The following ZMYM3 variants were observed in gnomAD, a reference collection of about 807,000 sequenced individuals.
The protein encoded by ZMYM3 is zinc finger MYM-type protein 3.
In ZMYM3, 6 loss-of-function variants were observed where a neutral mutation model predicts 94.2. That is an observed-to-expected ratio of 0.06 (90% CI 0.03 to 0.13). The LOEUF (loss-of-function observed/expected upper bound fraction) is 0.13, where lower values mean the gene tolerates loss of function less well. Ranked by LOEUF, ZMYM3 falls within the 10% of genes least tolerant of loss-of-function variation. The pLI, the probability that ZMYM3 is intolerant of heterozygous loss-of-function variation, is 1.00. For synonymous variants in ZMYM3, 420 were observed against 426.5 expected (o/e 0.98, Z 0.19); for missense variants, 664 against 1,132.6 (o/e 0.59, Z 5.94).
At position 71,243,552 on chromosome X, in the gene ZMYM3, C is replaced by G. The variant is rs185443814; in HGVS notation, c.3432+277G>C. ...TTTGGAGTAGGAGATTAAAGGCAAGCTGCCTGCTTCAGGTAGGGGACAAGA... is the reference window on the plus strand; with the variant it reads ...TTTGGAGTAGGAGATTAAAGGCAAGGTGCCTGCTTCAGGTAGGGGACAAGA... On this transcript the variant is annotated intron_variant, in intron 21 of 24. Coordinates refer to ENST00000314425, the MANE Select transcript of ZMYM3 (RefSeq NM_201599.3). The G allele has an allele frequency of 8.6e-4, 295 of 343,156 alleles. 1 individual carries two copies. The highest frequency in any genetic ancestry group is 7.0e-3 in the African/African-American group (272 of 38,849). The allele number at this position is 343,156 out of a possible 1,213,427, so 28.3% of individuals were successfully genotyped here.
At position 71,245,788 on chromosome X, in the gene ZMYM3, C is replaced by G; in HGVS notation, c.2740G>C (p.Glu914Gln). 1 of 1,211,756 alleles carries G rather than the reference C, an allele frequency of 8.3e-7. No homozygotes were observed. Among genetic ancestry groups the G allele is most frequent in the Non-Finnish European group, 1.1e-6 (1 of 895,569 alleles). ...TTLESTDKIV[E>Q]TIEELKVKIP... ...TTCACCTTCAGCTCCTCAATGGTCT[C>G]TACAATCTTGTCTGTGCTCTCCAAG... The change falls in exon 17 of 25, where the codon GAG becomes CAG. Residue 914 changes from glutamate to glutamine, a missense_variant. Around this residue, in one of 9 missense-constraint regions of ZMYM3, gnomAD observed 75 missense variants for 152.5 expected, o/e 0.49. Coordinates refer to ENST00000314425, the MANE Select transcript of ZMYM3 (RefSeq NM_201599.3).
intron 5 of ZMYM3, 104 bp downstream of exon 5, chrX:71,250,328 C>G (rs942304625): frequency 1.8e-6 from 2 of 1,093,987 alleles, no homozygotes; most frequent in South Asian, 2.3e-5. Context: ...ACATCACTCT[C>G]TCGCCCAGCT....
intron 8 of ZMYM3, 107 bp downstream of exon 8, chrX:71,248,912 T>C (rs1460622164): frequency 9.8e-5 from 110 of 1,119,714 alleles, no homozygotes; most frequent in Non-Finnish European, 1.3e-4. Context: ...CATGGGGAGA[T>C]GTGGTTGGGA....
chrX:71,249,276 G>A, intron 7 of ZMYM3, 107 bp from the exon 8 acceptor site: 2 of 1,168,939 alleles, frequency 1.7e-6, no homozygotes, highest in Admixed American at 2.4e-5. Context: ...AAGTATAGAT[G>A]ATGATGTAAC....
At position 71,251,917 on chromosome X, in the gene ZMYM3, C is replaced by T. The variant is rs967453716; in HGVS notation, c.668-316G>A. ...GAATTTATATTTTACCAATGAAAAA[C>T]ACACACAACCACCCAAAGGTAGCAA... On this transcript the variant is annotated intron_variant, in intron 2 of 24. Coordinates refer to ENST00000314425, the MANE Select transcript of ZMYM3 (RefSeq NM_201599.3). 8 of 717,423 alleles carry T rather than the reference C, an allele frequency of 1.1e-5. No homozygotes were observed. In the African/African-American group the frequency reaches 1.4e-4, roughly 13 times the overall value. 59.1% of individuals were successfully genotyped at this position (717,423 alleles called of 1,213,427 possible).
intron 9 of ZMYM3, 60 bp downstream of exon 9, chrX:71,248,626 A>G (rs1374907514): frequency 8.7e-7 from 1 of 1,153,339 alleles, no homozygotes; most frequent in East Asian, 3.1e-5. Flanking sequence ...GCCTACCCCA[A>G]TTCTCCAACC....
At position 71,244,026 on chromosome X, in the gene ZMYM3, A is replaced by G. The variant is rs369247878; in HGVS notation, c.3281-46T>C. ...GGGACAGGATTAAGAAAAACTCTAC[A>G]TGGAGAATTTCACTTAGCTCCATCA... is the stretch of plus-strand genomic sequence containing the variant. On this transcript the variant is annotated intron_variant, in intron 20 of 24. Coordinates refer to ENST00000314425, the MANE Select transcript of ZMYM3 (RefSeq NM_201599.3). 9.5e-5 allele frequency: 113 copies of G among 1,188,839 alleles called. No homozygotes were observed. The East Asian group carries it at 1.9e-3, about 20-fold the overall frequency.
intron 2 of ZMYM3, 136 bp from the exon 3 acceptor site, chrX:71,251,737 T>TG (rs2030488262): frequency 1.7e-5 from 18 of 1,059,394 alleles, no homozygotes; most frequent in Non-Finnish European, 2.2e-5. Flanking sequence ...TGTGGCTTCT[T>TG]GGGGCCCCTC....
Position 71,249,444 on chromosome X carries a change from T to A in ZMYM3, c.1470+17A>T. The A allele has an allele frequency of 8.5e-7, 1 of 1,175,981 alleles. No homozygotes were observed. The highest frequency in any genetic ancestry group is 3.2e-5 in the East Asian group (1 of 31,543). On this transcript the variant is annotated intron_variant, in intron 7 of 24. Coordinates refer to ENST00000314425, the MANE Select transcript of ZMYM3 (RefSeq NM_201599.3). ...CCCCTTCCACAGCCCTCTAATGCAC[T>A]ACTCCCTCGGCCCCACCTTCTTGTA...
chrX:71,241,883 A>G (rs986503701), intron 23 of ZMYM3, among the ~76,000 whole-genome samples: 6 of 111,811 alleles, frequency 5.4e-5, no homozygotes, highest in East Asian at 2.8e-4. Flanking sequence ...AACACACCCA[A>G]TGGTTTCCTA....
rs369789075 is a variant in ZMYM3 at position 71,244,557 on chromosome X, G to A, written c.3112-87C>T. On this transcript the variant is annotated intron_variant, in intron 19 of 24. Coordinates refer to ENST00000314425, the MANE Select transcript of ZMYM3 (RefSeq NM_201599.3). ...GTCAGCACCATATTTACTGCTGGCC[G>A]GGGCAGGGGCTGATGTAAGCACACA... The A allele has an allele frequency of 1.4e-4, 152 of 1,054,365 alleles. No individual in the cohort carries two copies. The South Asian group carries it at 3.0e-3, about 21-fold the overall frequency. 86.9% of individuals were successfully genotyped at this position (1,054,365 alleles called of 1,213,427 possible). A position where few individuals can be genotyped will look rare whatever the true frequency, so the allele number is the denominator to read the frequency against.
At chrX:71,251,109 C>T (rs2030444721) in intron 4 of ZMYM3, 69 bp downstream of exon 4, 5 of 1,081,117 alleles carry the variant, frequency 4.6e-6, no homozygotes, top group Non-Finnish European at 5.1e-6. Context: ...CCATGCCCTG[C>T]CGCATGCCAC....
At chrX:71,248,890 G>T in intron 8 of ZMYM3, 89 bp from the exon 9 acceptor site, 2 of 1,103,070 alleles carry the variant, frequency 1.8e-6, no homozygotes, top group Non-Finnish European at 2.4e-6. Context: ...TGTAAGAGAC[G>T]AACAGAAAAT....
In ZMYM3 at chrX:71,243,667, G is replaced by C. The variant is rs565638363; in HGVS notation, c.3432+162C>G. 292 of 574,751 alleles carry C rather than the reference G, an allele frequency of 5.1e-4. 1 individual carries two copies. In the South Asian group the frequency reaches 0.012, roughly 23 times the overall value. 47.4% of individuals were successfully genotyped at this position (574,751 alleles called of 1,213,427 possible). On this transcript the variant is annotated intron_variant, in intron 21 of 24. Transcript: ENST00000314425. ...AGATGGGTATCACTTTGTTGCCCAG[G>C]CTGGTCTCAAACTCCTGGCTTGAAG...
At chrX:71,243,367 T>C (rs1340908624) in intron 21 of ZMYM3, among the ~76,000 whole-genome samples, 1 of 111,141 alleles carries the variant, frequency 9.0e-6, no homozygotes, top group Non-Finnish European at 1.9e-5. Context: ...AACTAAACAT[T>C]ACCCCAGCAC....
Position 71,248,668 on chromosome X carries a change from G to C in ZMYM3, c.1737+18C>G, listed in dbSNP as rs1380175626. 8 of 1,178,409 alleles carry C rather than the reference G, an allele frequency of 6.8e-6. No individual in the cohort carries two copies. Among genetic ancestry groups the C allele is most frequent in the Admixed American group, 4.7e-5 (2 of 42,333 alleles). ...ATGTTGCCAAACCCTTCTATCCCTGGTCCAGGGTCTGGAGTACCTGGAACT... is the reference window on the plus strand; with the variant it reads ...ATGTTGCCAAACCCTTCTATCCCTGCTCCAGGGTCTGGAGTACCTGGAACT... On this transcript the variant is annotated intron_variant, in intron 9 of 24. Coordinates refer to ENST00000314425, the MANE Select transcript of ZMYM3 (RefSeq NM_201599.3).
rs2029887258 is a variant in ZMYM3, at chrX:71,239,899, G to A, written c.*1017C>T. 3 of 112,912 alleles carry A rather than the reference G, an allele frequency of 2.7e-5. No individual in the cohort carries two copies. The Admixed American group carries it at 2.8e-4, about 11-fold the overall frequency. 9.3% of individuals were successfully genotyped at this position (112,912 alleles called of 1,213,427 possible). A position where few individuals can be genotyped will look rare whatever the true frequency, so the allele number is the denominator to read the frequency against. On this transcript the variant is annotated 3_prime_UTR_variant, in exon 25 of 25. Transcript: ENST00000314425. The stretch of plus-strand genomic sequence containing the variant: ...TCTGGGACCTCCAATGCAAGATGGG[G>A]AAGAGAGAAGATGTAGGCAGTGGCG...
chrX:71,244,504 G>C, intron 19 of ZMYM3, 34 bp from the exon 20 acceptor site: 2 of 1,199,475 alleles, frequency 1.7e-6, no homozygotes, highest in Non-Finnish European at 2.3e-6. Context: ...GCATGGCAGA[G>C]GTAAGGCCAG....
intron 2 of ZMYM3, chrX:71,251,857 G>A (rs1330541394): frequency 1.1e-5 from 8 of 753,312 alleles, no homozygotes; most frequent in Non-Finnish European, 1.3e-5. Context: ...AATCCTTGGG[G>A]GTTAAGGAAA....
Sources: allele counts gnomAD v4.1 joint callset (sites outside exome capture counted in the v4.1 genomes callset), GRCh38; gene constraint gnomAD v4.1.1; regional missense constraint gnomAD v4.1.1; transcripts MANE v1.5; gene names NCBI Gene and HGNC (gene_info 2026-07-23, HGNC 2026-07-21).